The following CFAP299 variants were observed in gnomAD, a reference collection of about 807,000 sequenced individuals.
CFAP299 encodes cilia and flagella associated protein 299.
CFAP299 carries 21 observed loss-of-function variants against 27.0 expected under a neutral mutation model. The ratio of observed to expected loss-of-function variants is 0.78; its 90% CI spans 0.55 to 1.12. CFAP299 has a LOEUF of 1.12. CFAP299 is among the 50% of genes most tolerant of loss of function. CFAP299 has a pLI of 0.00. For synonymous variants in CFAP299, 104 were observed against 98.1 expected (o/e 1.06, Z -0.36); for missense variants, 310 against 276.6 (o/e 1.12, Z -0.86).
intron 2 of CFAP299, among the ~76,000 whole-genome samples, chr4:80,514,711 A>T (rs1214416435): frequency 6.6e-6 from 1 of 151,998 alleles, no homozygotes; most frequent in Non-Finnish European, 1.5e-5. Flanking sequence ...TCCTGGTTTT[A>T]CCTGCTCTTT....
intron 3 of CFAP299, among the ~76,000 whole-genome samples, chr4:80,786,080 T>C (rs1056661140): frequency 8.5e-5 from 13 of 152,168 alleles, no homozygotes; most frequent in African/African-American, 3.1e-4. Context: ...AAATTGCTAT[T>C]ATCTTTGGCT....
intron 2 of CFAP299, among the ~76,000 whole-genome samples, chr4:80,420,857 A>C (rs182475596): frequency 6.6e-6 from 1 of 152,160 alleles, no homozygotes; most frequent in Non-Finnish European, 1.5e-5. Flanking sequence ...CTGTTGCTTC[A>C]GCCCACTTCA....
chr4:80,925,734 T>C (rs1736275593), intron 4 of CFAP299, among the ~76,000 whole-genome samples: 1 of 152,102 alleles, frequency 6.6e-6, no homozygotes, highest in Non-Finnish European at 1.5e-5. Flanking sequence ...AAGCTGATGC[T>C]GAAGATGAAT....
Position 80,870,097 on chromosome 4 carries a change from T to A in CFAP299, c.438T>A (p.Thr146=). 1.2e-6 allele frequency: 2 copies of A among 1,612,388 alleles called. No individual in the cohort carries two copies. Among genetic ancestry groups the A allele is most frequent in the East Asian group, 2.2e-5 (1 of 44,844 alleles). Residue 146 remains threonine (T), a synonymous_variant, in exon 4 of 6, where the codon ACT becomes ACA. Transcript: ENST00000358105. ...LKTEDFEVYF[T]GKKRLLPRPT... ...CGGAAGATTTTGAAGTCTACTTTACTGGAAAAAAAAGACTTCTTCCAAGGC... is the reference window on the plus strand; with the variant it reads ...CGGAAGATTTTGAAGTCTACTTTACAGGAAAAAAAAGACTTCTTCCAAGGC...
chr4:80,939,118 T>C (rs892752424), intron 4 of CFAP299, among the ~76,000 whole-genome samples: 1 of 152,222 alleles, frequency 6.6e-6, no homozygotes, highest in Non-Finnish European at 1.5e-5. Flanking sequence ...TCTTTGACTT[T>C]TGGCAATTTG....
chr4:80,554,458 G>C (rs556519176), intron 2 of CFAP299, among the ~76,000 whole-genome samples: 1 of 147,826 alleles, frequency 6.8e-6, no homozygotes, highest in African/African-American at 2.5e-5. Flanking sequence ...ATTTTGCATT[G>C]CCCTGGCTAT....
chr4:80,635,759 G>A (rs1739442473), intron 3 of CFAP299, among the ~76,000 whole-genome samples: 1 of 152,126 alleles, frequency 6.6e-6, no homozygotes, highest in African/African-American at 2.4e-5. Flanking sequence ...GTAGAAAGCA[G>A]ATTTTTATGA....
chr4:80,336,647 A>G (rs1319592723), intron 1 of CFAP299: 1 of 152,202 alleles, frequency 6.6e-6, no homozygotes, highest in Non-Finnish European at 1.5e-5. Context: ...GGAATTAACA[A>G]GTCATCAGTG....
At chr4:80,726,864 G>A (rs762642577) in intron 3 of CFAP299, among the ~76,000 whole-genome samples, 1 of 152,102 alleles carries the variant, frequency 6.6e-6, no homozygotes, top group Non-Finnish European at 1.5e-5. Flanking sequence ...TATATAATCA[G>A]TTGGATACAG....
Position 80,752,912 on chromosome 4 carries a change from C to T in CFAP299, c.334-117081C>T, listed in dbSNP as rs150688508. Reference sequence around the variant, plus strand: ...TGTAAAACCTTACAACAGATTATTTCAAATTCATCCTCATCCTTGTGCTAT... The same window carrying T: ...TGTAAAACCTTACAACAGATTATTTTAAATTCATCCTCATCCTTGTGCTAT... On this transcript the variant is annotated intron_variant, in intron 3 of 5. Coordinates refer to ENST00000358105, the MANE Select transcript of CFAP299 (RefSeq NM_152770.3). Among the ~76,000 whole-genome samples the T allele has an allele frequency of 1.4e-4, 21 of 151,984 alleles. No individual in the cohort carries two copies. The East Asian group carries it at 4.1e-3, about 29-fold the overall frequency.
chr4:80,353,481 T>G (rs541099447), intron 1 of CFAP299, among the ~76,000 whole-genome samples: 3 of 152,230 alleles, frequency 2.0e-5, no homozygotes, highest in Non-Finnish European at 4.4e-5. Flanking sequence ...AAATGTCATA[T>G]TGTTTTAACA....
intron 4 of CFAP299, among the ~76,000 whole-genome samples, chr4:80,939,564 T>C (rs1737088072): frequency 2.0e-5 from 3 of 152,310 alleles, no homozygotes; most frequent in Admixed American, 1.3e-4. Context: ...TCTGATTTAA[T>C]TTAATTGTAA....
At chr4:80,700,182 G>T (rs1216024557) in intron 3 of CFAP299, among the ~76,000 whole-genome samples, 1 of 152,044 alleles carries the variant, frequency 6.6e-6, no homozygotes, top group African/African-American at 2.4e-5. Flanking sequence ...GTTTCCGAAG[G>T]TAGAATACTT....
intron 2 of CFAP299, among the ~76,000 whole-genome samples, chr4:80,552,917 G>T (rs150044214): frequency 6.6e-6 from 1 of 152,038 alleles, no homozygotes; most frequent in Non-Finnish European, 1.5e-5. Context: ...TGAACTCCTG[G>T]CCCCAAGTGG....
chr4:80,897,543 A>C (rs1238124858), intron 4 of CFAP299, among the ~76,000 whole-genome samples: 5 of 152,194 alleles, frequency 3.3e-5, no homozygotes, highest in Non-Finnish European at 5.9e-5. Context: ...TTCTAGGTTT[A>C]GCTTTCATAA....
chr4:80,962,281 A>T (rs1315339092), intron 5 of CFAP299, among the ~76,000 whole-genome samples: 3 of 152,020 alleles, frequency 2.0e-5, no homozygotes, highest in Non-Finnish European at 4.4e-5. Context: ...AACCAGTAAG[A>T]TGTTATAACC....
chr4:80,687,932 G>A (rs908014804), intron 3 of CFAP299, among the ~76,000 whole-genome samples: 12 of 152,152 alleles, frequency 7.9e-5, no homozygotes, highest in South Asian at 2.1e-4. Flanking sequence ...GGTGACAGAC[G>A]GCACCTGGAA....
At chr4:80,885,498 G>A (rs1000220389) in intron 4 of CFAP299, among the ~76,000 whole-genome samples, 4 of 152,120 alleles carry the variant, frequency 2.6e-5, no homozygotes, top group Non-Finnish European at 5.9e-5. Context: ...AGAGAAAAGA[G>A]GACTTTGTTT....
At chr4:80,660,188 G>T (rs1434227681) in intron 3 of CFAP299, among the ~76,000 whole-genome samples, 2 of 152,106 alleles carry the variant, frequency 1.3e-5, no homozygotes, top group South Asian at 2.1e-4. Context: ...TTTTACTGGA[G>T]CAGTAAAATC....
Sources: allele counts gnomAD v4.1 joint callset (sites outside exome capture counted in the v4.1 genomes callset), GRCh38; gene constraint gnomAD v4.1.1; transcripts MANE v1.5; gene names NCBI Gene and HGNC (gene_info 2026-07-23, HGNC 2026-07-21).